Variants in SNX25 observed in about 807,000 individuals in gnomAD.
SNX25 encodes the protein sorting nexin 25.
SNX25 carries 62 observed loss-of-function variants against 113.7 expected under a neutral mutation model. The observed-to-expected ratio is 0.55, with a 90% confidence interval of 0.44 to 0.67. SNX25 has a LOEUF of 0.67. Ranked by LOEUF, SNX25 falls within the 30% of genes least tolerant of loss-of-function variation. The probability of loss-of-function intolerance (pLI) is 0.00; values close to 1 mark genes in which losing one functional copy is unlikely to be tolerated. For missense variants in SNX25, 1,014 were observed against 1,161.0 expected (o/e 0.87, Z 1.84); for synonymous variants, 421 against 436.2 (o/e 0.97, Z 0.43).
downstream of SNX25, among the ~76,000 whole-genome samples, chr4:185,371,314 C>T (rs570835665): frequency 2.4e-3 from 363 of 151,994 alleles, 1 homozygote; most frequent in African/African-American, 8.0e-3. Flanking sequence ...CCAAGGCAGG[C>T]GGATCACGAG....
chr4:185,362,136 T>C (rs371056128), intron 17 of SNX25, 31 bp downstream of exon 17: 2 of 1,578,564 alleles, frequency 1.3e-6, no homozygotes, highest in South Asian at 1.1e-5. Flanking sequence ...CTGAAAAGCA[T>C]AGAGATCTGA....
At chr4:185,306,660 TAA>T (rs1370356330) in intron 6 of SNX25, among the ~76,000 whole-genome samples, 1 of 152,220 alleles carries the variant, frequency 6.6e-6, no homozygotes, top group Non-Finnish European at 1.5e-5. Context: ...GTTTTATAAA[TAA>T]GAGGCAACTT....
At chr4:185,352,000 C>T (rs1005179654) in intron 14 of SNX25, among the ~76,000 whole-genome samples, 2 of 151,970 alleles carry the variant, frequency 1.3e-5, no homozygotes, top group African/African-American at 4.8e-5. Context: ...AGGGTTGGTG[C>T]CGTGCTCTAA....
chr4:185,348,460 T>C (rs2095299040), intron 13 of SNX25, among the ~76,000 whole-genome samples: 1 of 152,088 alleles, frequency 6.6e-6, no homozygotes, highest in Non-Finnish European at 1.5e-5. Flanking sequence ...TGGTGCAATC[T>C]CAGCTCACTG....
downstream of SNX25, chr4:185,365,690 A>AAATAAT (rs566617295): frequency 4.9e-5 from 7 of 144,270 alleles, no homozygotes; most frequent in South Asian, 2.2e-4. Context: ...AAAAAAAAAA[A>AAATAAT]AATAATAATA....
intron 1 of SNX25, among the ~76,000 whole-genome samples, chr4:185,241,051 A>C (rs1743864701): frequency 6.7e-6 from 1 of 148,958 alleles, no homozygotes; most frequent in Admixed American, 6.7e-5. Context: ...CCAGGCAGAG[A>C]CGCTCCTCAC....
chr4:185,357,822 C>T, intron 16 of SNX25, 85 bp downstream of exon 16: 1 of 1,106,352 alleles, frequency 9.0e-7, no homozygotes, highest in Non-Finnish European at 1.4e-6. Flanking sequence ...AGCAGCCAGT[C>T]ATTTAACTGA....
intron 16 of SNX25, among the ~76,000 whole-genome samples, chr4:185,358,534 G>A (rs1299696376): frequency 1.3e-5 from 2 of 152,104 alleles, no homozygotes; most frequent in Admixed American, 6.5e-5. Flanking sequence ...TATTTAGATC[G>A]GTTTAGGCCT....
intron 7 of SNX25, among the ~76,000 whole-genome samples, chr4:185,319,939 C>A (rs970999874): frequency 6.6e-6 from 1 of 152,134 alleles, no homozygotes; most frequent in Non-Finnish European, 1.5e-5. Flanking sequence ...CCATCTCATG[C>A]CAGTCAGAAT....
intron 2 of SNX25, among the ~76,000 whole-genome samples, chr4:185,253,534 C>T (rs1745974180): frequency 6.6e-6 from 1 of 150,590 alleles, no homozygotes; most frequent in Non-Finnish European, 1.5e-5. Context: ...GTGGCATGAT[C>T]TCAGCTCACT....
intron 1 of SNX25, among the ~76,000 whole-genome samples, chr4:185,219,810 G>A (rs994494016): frequency 6.6e-6 from 1 of 151,928 alleles, no homozygotes; most frequent in African/African-American, 2.4e-5. Context: ...ATATATACCC[G>A]AGGGCTGCTT....
chr4:185,208,717 C>T (rs925088851), upstream of SNX25, among the ~76,000 whole-genome samples: 9 of 151,014 alleles, frequency 6.0e-5, no homozygotes, highest in African/African-American at 2.2e-4. Flanking sequence ...AACAGAGACT[C>T]CGTCTCAAAA....
At chr4:185,304,502 C>A (rs1754173102) in intron 6 of SNX25, among the ~76,000 whole-genome samples, 1 of 152,178 alleles carries the variant, frequency 6.6e-6, no homozygotes, top group African/African-American at 2.4e-5. Context: ...GGATTACAGG[C>A]ATGCGCCACC....
At chr4:185,262,831 A>G (rs1254731146) in intron 3 of SNX25, among the ~76,000 whole-genome samples, 1 of 152,240 alleles carries the variant, frequency 6.6e-6, no homozygotes, top group Admixed American at 6.5e-5. Flanking sequence ...CACAGTAAGG[A>G]TGCTGCAAAG....
intron 16 of SNX25, among the ~76,000 whole-genome samples, chr4:185,359,175 A>T (rs1164121152): frequency 6.6e-6 from 1 of 152,154 alleles, no homozygotes; most frequent in Non-Finnish European, 1.5e-5. Flanking sequence ...CAACATGGTG[A>T]GACCCTGTCT....
intron 1 of SNX25, among the ~76,000 whole-genome samples, chr4:185,215,734 T>C (rs1017532959): frequency 4.1e-4 from 63 of 152,130 alleles, no homozygotes; most frequent in Non-Finnish European, 1.2e-4. Flanking sequence ...TTGAGGAAGG[T>C]GGCATTTTGA....
chr4:185,362,340 G>A (rs1046220971), intron 17 of SNX25: 23 of 985,120 alleles, frequency 2.3e-5, no homozygotes, highest in Non-Finnish European at 2.7e-5. Flanking sequence ...TCCTGCTAAA[G>A]TATCGTGTTT....
chr4:185,219,908 C>CCTT (rs772687162), intron 1 of SNX25, among the ~76,000 whole-genome samples: 25 of 143,244 alleles, frequency 1.7e-4, no homozygotes, highest in African/African-American at 5.9e-4. Context: ...AGTTGTTAAT[C>CCTT]TTTTTTTTTT....
At chr4:185,336,703 C>T (rs899173322) in intron 10 of SNX25, among the ~76,000 whole-genome samples, 14 of 152,278 alleles carry the variant, frequency 9.2e-5, no homozygotes, top group South Asian at 4.1e-4. Flanking sequence ...CTGGATCAAA[C>T]GGTAGATCTT....
Sources: gnomAD v4.1 joint callset for allele counts (sites outside exome capture counted in the v4.1 genomes callset) on GRCh38, gnomAD v4.1.1 for gene constraint, MANE v1.5 for transcripts, NCBI Gene and HGNC (gene_info 2026-07-23, HGNC 2026-07-21) for gene names.